Variants in KLHDC4 observed in about 807,000 individuals in gnomAD.
KLHDC4 encodes kelch domain containing 4, also known as kelch domain-containing protein 4.
Under a neutral mutation model 62.4 loss-of-function variants are expected in KLHDC4, and 90 were observed. The observed-to-expected ratio is 1.44, with a 90% CI of 1.22 to 1.72. KLHDC4 has a LOEUF of 1.72. KLHDC4 is among the 40% of genes most tolerant of loss of function. The pLI is 0.00. For synonymous variants in KLHDC4, 386 were observed against 284.4 expected (o/e 1.36, Z -3.59); for missense variants, 1,025 against 699.7 (o/e 1.47, Z -5.25).
downstream of KLHDC4, among the ~76,000 whole-genome samples, chr16:87,706,835 G>A (rs905000792): frequency 2.6e-5 from 4 of 152,182 alleles, no homozygotes; most frequent in Admixed American, 2.0e-4. Flanking sequence ...GTTTTCCTGG[G>A]CCCACCTGGA....
At chr16:87,750,167 G>A (rs1272383824) in intron 4 of KLHDC4, 2 of 152,260 alleles carry the variant, frequency 1.3e-5, no homozygotes, top group Non-Finnish European at 2.9e-5. Flanking sequence ...GGAAAGAGCT[G>A]CTTGGACAGA....
intron 6 of KLHDC4, among the ~76,000 whole-genome samples, chr16:87,728,590 A>G (rs921614456): frequency 4.6e-5 from 7 of 152,238 alleles, no homozygotes; most frequent in African/African-American, 1.7e-4. Flanking sequence ...AAGGGGCTGT[A>G]CAATCTCACT....
chr16:87,709,945 G>A (rs889214080), intron 9 of KLHDC4: 3 of 460,934 alleles, frequency 6.5e-6, no homozygotes, highest in South Asian at 3.7e-5. Context: ...CCTCCACTGA[G>A]AGGTGGACAG....
chr16:87,732,523 G>C (rs926039939), intron 5 of KLHDC4, among the ~76,000 whole-genome samples: 2 of 152,092 alleles, frequency 1.3e-5, no homozygotes, highest in South Asian at 2.1e-4. Context: ...AATACAAAAA[G>C]CAAATTTAAA....
chr16:87,719,703 G>C (rs1042162921), intron 7 of KLHDC4, among the ~76,000 whole-genome samples: 3 of 151,588 alleles, frequency 2.0e-5, no homozygotes, highest in Admixed American at 6.6e-5. Context: ...ATTCGGCTAC[G>C]GTAAAGTAGT....
intron 5 of KLHDC4, among the ~76,000 whole-genome samples, chr16:87,735,760 G>C (rs984035462): frequency 6.6e-6 from 1 of 152,194 alleles, no homozygotes; most frequent in Non-Finnish European, 1.5e-5. Context: ...CTCAGCCAGA[G>C]GCCTATGGAC....
At chr16:87,743,251 A>G (rs1450792060) in intron 5 of KLHDC4, among the ~76,000 whole-genome samples, 1 of 152,042 alleles carries the variant, frequency 6.6e-6, no homozygotes, top group East Asian at 1.9e-4. Flanking sequence ...GATTACACAC[A>G]CACCAGCACA....
chr16:87,764,913 G>T (rs993588832), intron 1 of KLHDC4, among the ~76,000 whole-genome samples: 2 of 151,960 alleles, frequency 1.3e-5, no homozygotes, highest in Admixed American at 1.3e-4. Context: ...ATGAGGACAT[G>T]GAGAGATCAA....
chr16:87,747,840 G>A (rs578059425), intron 5 of KLHDC4: 1 of 152,304 alleles, frequency 6.6e-6, no homozygotes, highest in Non-Finnish European at 1.5e-5. Context: ...GGGCTCCAGG[G>A]AGCGCCGCTG....
intron 4 of KLHDC4, among the ~76,000 whole-genome samples, chr16:87,754,547 ATGCTGTG>A (rs2044547288): frequency 6.6e-6 from 1 of 152,224 alleles, no homozygotes; most frequent in Non-Finnish European, 1.5e-5. Context: ...TGCATGTATC[ATGCTGTG>A]GTCACCTGAT....
chr16:87,763,170 C>A (rs900722218), intron 1 of KLHDC4, among the ~76,000 whole-genome samples: 4 of 152,214 alleles, frequency 2.6e-5, no homozygotes, highest in Non-Finnish European at 4.4e-5. Context: ...TAAAGTGTCA[C>A]CCACATGTAC....
intron 5 of KLHDC4, among the ~76,000 whole-genome samples, chr16:87,736,272 TCAA>T (rs1216252216): frequency 6.6e-6 from 1 of 152,140 alleles, no homozygotes; most frequent in Non-Finnish European, 1.5e-5. Flanking sequence ...AGTAGATGTC[TCAA>T]CACACAGAAG....
chr16:87,736,408 C>A (rs979844192), intron 5 of KLHDC4, among the ~76,000 whole-genome samples: 4 of 152,236 alleles, frequency 2.6e-5, no homozygotes, highest in African/African-American at 7.2e-5. Context: ...CTAGAGACAT[C>A]TGCTGAGCAA....
In KLHDC4 at chr16:87,756,462, G is replaced by A. The variant is rs750082846; in HGVS notation, c.207C>T (p.Leu69=). 1 of 1,613,868 alleles carries A rather than the reference G, an allele frequency of 6.2e-7. No individual in the cohort carries two copies. Among genetic ancestry groups the A allele is most frequent in the Non-Finnish European group, 8.5e-7 (1 of 1,179,836 alleles). The part of the protein sequence containing the change: ...PPPSPRLNAS[L]SVHPEKDELI... Reference sequence around the variant, plus strand: ...ACTCATCTTTCTCAGGATGAACCGAGAGGGAGGCATTTAACCTACAAGACA... The same window carrying A: ...ACTCATCTTTCTCAGGATGAACCGAAAGGGAGGCATTTAACCTACAAGACA... The change falls in exon 3 of 12, where the codon CTC becomes CTT. Residue 69 remains leucine (L), a synonymous_variant. Transcript: ENST00000270583.
chr16:87,714,866 G>C (rs1331981288), intron 7 of KLHDC4, among the ~76,000 whole-genome samples: 3 of 152,210 alleles, frequency 2.0e-5, no homozygotes, highest in African/African-American at 7.2e-5. Context: ...GGTCTGTGTG[G>C]AAACCACCAC....
In KLHDC4 at chr16:87,765,838, G is replaced by A; in HGVS notation, c.53C>T (p.Ala18Val). ...AGACACCTTCTTCTCCATCTTGGCGGCCGTCTTCTCCGCGCCGCGGCCCTT... is the reference window on the plus strand; with the variant it reads ...AGACACCTTCTTCTCCATCTTGGCGACCGTCTTCTCCGCGCCGCGGCCCTT... ...EKKGRGAEKT[A>V]AKMEKKVSKR... Residue 18 changes from alanine to valine, a missense_variant, in exon 1 of 12, where the codon GCC becomes GTC. Ala to Val is a moderately conservative substitution (Grantham distance 64, BLOSUM62 0). Transcript: ENST00000270583. 2 of 1,558,874 alleles carry A rather than the reference G, an allele frequency of 1.3e-6. No homozygotes were observed. Among genetic ancestry groups the A allele is most frequent in the South Asian group, 1.2e-5 (1 of 84,594 alleles).
chr16:87,702,814 C>T (rs1448958477), downstream of KLHDC4, among the ~76,000 whole-genome samples: 3 of 152,250 alleles, frequency 2.0e-5, no homozygotes, highest in Non-Finnish European at 2.9e-5. Context: ...CTTGCTAATA[C>T]TGTGTACAAT....
downstream of KLHDC4, among the ~76,000 whole-genome samples, chr16:87,705,775 G>A (rs2034592633): frequency 2.0e-5 from 3 of 152,360 alleles, no homozygotes; most frequent in South Asian, 4.1e-4. Flanking sequence ...TGGAGCCGCA[G>A]AGCCGGGCAG....
intron 7 of KLHDC4, among the ~76,000 whole-genome samples, chr16:87,725,221 G>C (rs1334413782): frequency 6.6e-6 from 1 of 152,186 alleles, no homozygotes; most frequent in East Asian, 1.9e-4. Context: ...GGCAGGATCA[G>C]GGTGTGAGTC....
Sources: allele counts gnomAD v4.1 joint callset (sites outside exome capture counted in the v4.1 genomes callset), GRCh38; gene constraint gnomAD v4.1.1; transcripts MANE v1.5; gene names NCBI Gene and HGNC (gene_info 2026-07-23, HGNC 2026-07-21).